Variants in ZNF618 observed in about 807,000 individuals in gnomAD.
The protein encoded by ZNF618 is neural precursor cell expressed, developmentally down-regulated 10.
A neutral mutation model predicts 103.0 loss-of-function variants in ZNF618; 34 were observed. The observed-to-expected ratio is 0.33, with a 90% CI of 0.25 to 0.44. The LOEUF is 0.44. ZNF618 is among the 20% of genes least tolerant of loss of function. The probability of loss-of-function intolerance (pLI) is 1.00; values close to 1 mark genes in which losing one functional copy is unlikely to be tolerated. For missense variants in ZNF618, 1,059 were observed against 1,295.4 expected (o/e 0.82, Z 2.80); for synonymous variants, 551 against 542.2 (o/e 1.02, Z -0.23).
chr9:113,916,072 C>CTGTGTGTG (rs34639802), intron 1 of ZNF618, among the ~76,000 whole-genome samples: 5 of 149,800 alleles, frequency 3.3e-5, no homozygotes, highest in African/African-American at 1.2e-4. Flanking sequence ...GCGCGTGTGT[C>CTGTGTGTG]TGTGTGTGTG....
chr9:113,995,292 A>AT (rs34601115), intron 3 of ZNF618, among the ~76,000 whole-genome samples: 109 of 150,578 alleles, frequency 7.2e-4, no homozygotes, highest in African/African-American at 8.5e-4. Context: ...ATTCTCCAAC[A>AT]TTTTTTTTTT....
chr9:113,956,530 C>G (rs1258210234), intron 1 of ZNF618, among the ~76,000 whole-genome samples: 1 of 152,192 alleles, frequency 6.6e-6, no homozygotes, highest in Non-Finnish European at 1.5e-5. Flanking sequence ...TTTTATGAAG[C>G]CTCATCTTGA....
At chr9:113,910,187 G>A (rs1831401312) in intron 1 of ZNF618, among the ~76,000 whole-genome samples, 1 of 152,086 alleles carries the variant, frequency 6.6e-6, no homozygotes, top group Admixed American at 6.6e-5. Flanking sequence ...TCCCCACTTT[G>A]CTCATGCTGT....
At chr9:113,939,526 C>G (rs117175320) in intron 1 of ZNF618, among the ~76,000 whole-genome samples, 4,711 of 152,164 alleles carry the variant, frequency 0.031, 105 homozygotes, top group Non-Finnish European at 0.041. Context: ...GGAATGGTCT[C>G]CTCCTCACAC....
At chr9:113,898,938 C>T (rs531927225) in intron 1 of ZNF618, among the ~76,000 whole-genome samples, 2 of 152,222 alleles carry the variant, frequency 1.3e-5, no homozygotes, top group Admixed American at 1.3e-4. Flanking sequence ...AGCTTAGCTT[C>T]TCTTGGCATT....
intron 1 of ZNF618, among the ~76,000 whole-genome samples, chr9:113,935,744 G>A (rs1833973012): frequency 6.6e-6 from 1 of 152,116 alleles, no homozygotes; most frequent in African/African-American, 2.4e-5. Flanking sequence ...CTTTGAGGGT[G>A]GGTGAAGTCT....
intron 1 of ZNF618, among the ~76,000 whole-genome samples, chr9:113,955,566 G>A (rs1836202655): frequency 6.6e-6 from 1 of 151,720 alleles, no homozygotes; most frequent in East Asian, 1.9e-4. Context: ...TGTTGATCTT[G>A]TGATATATTT....
At chr9:114,016,006 CA>C in intron 9 of ZNF618, 1 of 1,084,616 alleles carries the variant, frequency 9.2e-7, no homozygotes, top group Non-Finnish European at 1.4e-6. Context: ...CACCCTCCCC[CA>C]AGGGGGTAGA....
intron 10 of ZNF618, among the ~76,000 whole-genome samples, chr9:114,020,383 G>A (rs551825595): frequency 6.6e-6 from 1 of 152,148 alleles, no homozygotes; most frequent in East Asian, 1.9e-4. Flanking sequence ...GGATTCTATT[G>A]AATCTGTAGA....
At position 114,050,400 on chromosome 9, in the gene ZNF618, T is replaced by A; in HGVS notation, c.*233T>A. 2.1e-6 allele frequency: 1 copy of A among 471,108 alleles called. No individual in the cohort carries two copies. The highest frequency in any genetic ancestry group is 3.7e-6 in the Non-Finnish European group (1 of 271,562). The allele number at this position is 471,108 out of a possible 1,614,324, so 29.2% of individuals were successfully genotyped here. On this transcript the variant is annotated 3_prime_UTR_variant, in exon 15 of 15. Coordinates refer to ENST00000374126, the MANE Select transcript of ZNF618 (RefSeq NM_001318042.2). ...CTGTGGTTGTGGGGGTGTGGGGGGG[T>A]CTCTGTGCTCATCTCCATGGCCAGA...
chr9:113,962,122 G>A (rs16911006), intron 1 of ZNF618, among the ~76,000 whole-genome samples: 43,365 of 152,000 alleles, frequency 0.29, 6,476 homozygotes, highest in Admixed American at 0.38. Flanking sequence ...GATCTCATTC[G>A]GCGTAACTTA....
chr9:113,936,861 T>C (rs1834071371), intron 1 of ZNF618, among the ~76,000 whole-genome samples: 1 of 152,224 alleles, frequency 6.6e-6, no homozygotes, highest in Non-Finnish European at 1.5e-5. Flanking sequence ...CATGTGGGAT[T>C]TCTTTTTGTG....
At chr9:114,036,269 C>T (rs771638654) in intron 12 of ZNF618, 31 bp from the exon 13 acceptor site, 4 of 1,553,888 alleles carry the variant, frequency 2.6e-6, no homozygotes, top group African/African-American at 1.4e-5. Flanking sequence ...CGGTTCCACC[C>T]CTCACGTGGC....
At chr9:113,947,243 G>C (rs1235836516) in intron 1 of ZNF618, among the ~76,000 whole-genome samples, 1 of 152,174 alleles carries the variant, frequency 6.6e-6, no homozygotes, top group Non-Finnish European at 1.5e-5. Flanking sequence ...TTTGGAATCA[G>C]AGCTGGATTT....
At chr9:113,889,985 G>A (rs910457989) in intron 1 of ZNF618, among the ~76,000 whole-genome samples, 2 of 152,068 alleles carry the variant, frequency 1.3e-5, no homozygotes, top group Non-Finnish European at 2.9e-5. Context: ...TATTTTCCTG[G>A]GAAGAAACCA....
intron 2 of ZNF618, among the ~76,000 whole-genome samples, chr9:113,976,271 C>A (rs759762608): frequency 1.3e-5 from 2 of 152,302 alleles, no homozygotes; most frequent in African/African-American, 2.4e-5. Flanking sequence ...ACATGCCCCC[C>A]ACATGTGCTT....
intron 1 of ZNF618, among the ~76,000 whole-genome samples, chr9:113,877,891 A>G (rs929132829): frequency 3.9e-5 from 6 of 152,176 alleles, no homozygotes; most frequent in Non-Finnish European, 8.8e-5. Flanking sequence ...CATTATTATG[A>G]AAAAACTAAC....
chr9:113,910,940 C>G (rs1319051224), intron 1 of ZNF618, among the ~76,000 whole-genome samples: 2 of 151,980 alleles, frequency 1.3e-5, no homozygotes, highest in African/African-American at 4.8e-5. Context: ...AAGTGATTCT[C>G]CTGCCTCAGC....
intron 1 of ZNF618, among the ~76,000 whole-genome samples, chr9:113,932,209 G>A (rs1190795065): frequency 6.6e-6 from 1 of 152,194 alleles, no homozygotes; most frequent in East Asian, 1.9e-4. Flanking sequence ...GATAAACAGA[G>A]GCGTGCATGA....
Sources: gnomAD v4.1 joint callset for allele counts (sites outside exome capture counted in the v4.1 genomes callset) on GRCh38, gnomAD v4.1.1 for gene constraint, MANE v1.5 for transcripts, NCBI Gene and HGNC (gene_info 2026-07-23, HGNC 2026-07-21) for gene names.